Variants in MIPOL1 observed in about 807,000 individuals in gnomAD.
The protein encoded by MIPOL1 is mirror-image polydactyly 1.
A neutral mutation model predicts 60.9 loss-of-function variants in MIPOL1; 57 were observed. The ratio of observed to expected loss-of-function variants is 0.94; its 90% confidence interval spans 0.76 to 1.17. MIPOL1 has a LOEUF of 1.17. Ranked by LOEUF, MIPOL1 falls within the 50% of genes most tolerant of loss-of-function variation. The probability of loss-of-function intolerance (pLI) is 0.00; values close to 1 mark genes in which losing one functional copy is unlikely to be tolerated. For missense variants in MIPOL1, 551 were observed against 511.6 expected (o/e 1.08, Z -0.74); for synonymous variants, 179 against 168.8 (o/e 1.06, Z -0.47).
intron 9 of MIPOL1, among the ~76,000 whole-genome samples, chr14:37,313,067 T>G (rs2153437731): frequency 6.6e-6 from 1 of 152,346 alleles, no homozygotes; most frequent in East Asian, 1.9e-4. Flanking sequence ...TAATTTTCAC[T>G]TTAGTCAAAT....
chr14:37,309,442 TCAGCCTACTCCTGTCATAATTCTTG>T (rs1419575748), intron 9 of MIPOL1, among the ~76,000 whole-genome samples: 2 of 152,128 alleles, frequency 1.3e-5, no homozygotes, highest in African/African-American at 2.4e-5. Flanking sequence ...GTCTCTTTCT[TCAGCCTACTCCTGTCATAATTCTTG>T]GTGATGTAAA....
At chr14:37,204,950 TAAA>T (rs1965847458) in intron 1 of MIPOL1, among the ~76,000 whole-genome samples, 1 of 152,088 alleles carries the variant, frequency 6.6e-6, no homozygotes, top group Non-Finnish European at 1.5e-5. Context: ...ATATGGACAA[TAAA>T]ATCTAGGCTG....
At chr14:37,434,579 TA>T (rs202179697) in intron 11 of MIPOL1, 26 of 149,026 alleles carry the variant, frequency 1.7e-4, no homozygotes, top group African/African-American at 4.9e-4. Flanking sequence ...AGCACTAATT[TA>T]AAAAAAAAAT....
At chr14:37,480,525 C>A in intron 11 of MIPOL1, among the ~76,000 whole-genome samples, 1 of 150,228 alleles carries the variant, frequency 6.7e-6, no homozygotes, top group African/African-American at 2.5e-5. Context: ...AAAAAAAAAA[C>A]TCTCACCAAA....
chr14:37,500,253 G>A, intron 12 of MIPOL1, 115 bp downstream of exon 12: 1 of 795,794 alleles, frequency 1.3e-6, no homozygotes, highest in South Asian at 2.1e-5. Context: ...TAGAACAAAA[G>A]TAGAATTAAC....
At chr14:37,315,574 A>G (rs537939087) in intron 9 of MIPOL1, among the ~76,000 whole-genome samples, 1 of 152,298 alleles carries the variant, frequency 6.6e-6, no homozygotes, top group South Asian at 2.1e-4. Context: ...TTGAAGACAA[A>G]TTGGATTTGG....
intron 9 of MIPOL1, among the ~76,000 whole-genome samples, chr14:37,325,988 G>A (rs1465677832): frequency 6.6e-6 from 1 of 152,172 alleles, no homozygotes; most frequent in African/African-American, 2.4e-5. Context: ...TGAATTAACA[G>A]CATCTTAATT....
intron 9 of MIPOL1, among the ~76,000 whole-genome samples, chr14:37,351,941 G>A (rs1490161799): frequency 6.7e-6 from 1 of 149,922 alleles, no homozygotes; most frequent in Non-Finnish European, 1.5e-5. Flanking sequence ...GTCTTTTGTT[G>A]CCATTGCTTT....
chr14:37,289,727 A>T (rs974907647), intron 7 of MIPOL1, among the ~76,000 whole-genome samples: 8 of 152,162 alleles, frequency 5.3e-5, no homozygotes, highest in Admixed American at 5.2e-4. Flanking sequence ...CATAGGCATG[A>T]TTGATTAAAC....
chr14:37,285,758 A>T (rs373815277), intron 7 of MIPOL1, among the ~76,000 whole-genome samples: 29 of 150,808 alleles, frequency 1.9e-4, no homozygotes, highest in African/African-American at 7.0e-4. Flanking sequence ...AGCCTAGCTA[A>T]TTTTTTTTTA....
Position 37,269,900 on chromosome 14 carries a change from C to G in MIPOL1, c.388-520C>G, listed in dbSNP as rs532413217. Reference sequence around the variant, plus strand: ...TGGAGTTCAATGGCGCGATCTCAGCCCACTGCAATCTCCGCCTCCTGGGTT... The same window carrying G: ...TGGAGTTCAATGGCGCGATCTCAGCGCACTGCAATCTCCGCCTCCTGGGTT... On this transcript the variant is annotated intron_variant, in intron 5 of 12. Transcript: ENST00000684589. Among the ~76,000 whole-genome samples the G allele has an allele frequency of 2.0e-5, 3 of 152,042 alleles. No homozygotes were observed. In the South Asian group the frequency reaches 6.2e-4, roughly 32 times the overall value.
At chr14:37,426,658 T>TATA in intron 11 of MIPOL1, among the ~76,000 whole-genome samples, 1 of 145,164 alleles carries the variant, frequency 6.9e-6, no homozygotes, top group East Asian at 2.0e-4. Flanking sequence ...TGTGTATATA[T>TATA]ATATGCACAC....
rs1417416754 is a variant in MIPOL1, at chr14:37,422,872, G to A, written c.954G>A (p.Met318Ile). 2 of 1,605,850 alleles carry A rather than the reference G, an allele frequency of 1.2e-6. No homozygotes were observed. The highest frequency in any genetic ancestry group is 2.7e-5 in the African/African-American group (2 of 74,528). ...ERALKAKLLS[M>I]QQARETAVQQ... Reference sequence around the variant, plus strand: ...ACTTTTAGGCAAAGTTGTTATCTATGCAACAAGCCAGAGAAACTGCAGTTC... The same window carrying A: ...ACTTTTAGGCAAAGTTGTTATCTATACAACAAGCCAGAGAAACTGCAGTTC... Residue 318 changes from methionine to isoleucine, a missense_variant, in exon 11 of 13, where the codon ATG becomes ATA. Physicochemically the swap from Met to Ile is conservative, Grantham distance 10. Transcript: ENST00000684589.
chr14:37,248,675 C>A, intron 3 of MIPOL1, among the ~76,000 whole-genome samples: 1 of 151,020 alleles, frequency 6.6e-6, no homozygotes, highest in African/African-American at 2.4e-5. Flanking sequence ...GAGAGAAATG[C>A]CAGAGTGAAA....
At chr14:37,480,131 C>G (rs936828272) in intron 11 of MIPOL1, among the ~76,000 whole-genome samples, 1 of 152,096 alleles carries the variant, frequency 6.6e-6, no homozygotes, top group South Asian at 2.1e-4. Context: ...TAATCCTTCT[C>G]TAATCCTTCT....
At chr14:37,479,183 T>G (rs1056033124) in intron 11 of MIPOL1, among the ~76,000 whole-genome samples, 1 of 152,104 alleles carries the variant, frequency 6.6e-6, no homozygotes, top group Non-Finnish European at 1.5e-5. Context: ...GAACAACACT[T>G]TAGCCCAAAT....
intron 10 of MIPOL1, among the ~76,000 whole-genome samples, chr14:37,397,378 T>TGGGTGGG (rs2093392349): frequency 2.6e-5 from 1 of 38,914 alleles, no homozygotes; most frequent in Non-Finnish European, 5.8e-5. Context: ...GTGGAGGTGG[T>TGGGTGGG]GGGAGTGGGG....
At chr14:37,428,096 G>A (rs1298600292) in intron 11 of MIPOL1, among the ~76,000 whole-genome samples, 1 of 152,196 alleles carries the variant, frequency 6.6e-6, no homozygotes, top group East Asian at 1.9e-4. Context: ...ATAAGGCTGG[G>A]AAAATATAGG....
At chr14:37,424,554 A>C (rs542075932) in intron 11 of MIPOL1, among the ~76,000 whole-genome samples, 28 of 152,300 alleles carry the variant, frequency 1.8e-4, no homozygotes, top group African/African-American at 6.3e-4. Flanking sequence ...TAGTTTCCAG[A>C]ACTATGTGAT....
Sources: allele counts gnomAD v4.1 joint callset (sites outside exome capture counted in the v4.1 genomes callset), GRCh38; gene constraint gnomAD v4.1.1; transcripts MANE v1.5; gene names NCBI Gene and HGNC (gene_info 2026-07-23, HGNC 2026-07-21).